Variants in LAMA4 observed in about 807,000 individuals in gnomAD.
The protein encoded by LAMA4 is laminin subunit alpha 4, also known as laminin subunit alpha-4.
A neutral mutation model predicts 207.1 loss-of-function variants in LAMA4; 127 were observed. That is an observed-to-expected ratio of 0.61 (90% confidence interval 0.53 to 0.71). The LOEUF is 0.71. LAMA4 is among the 30% of genes least tolerant of loss of function. The pLI, the probability that LAMA4 is intolerant of heterozygous loss-of-function variation, is 0.00. For missense variants in LAMA4, 2,093 were observed against 2,246.5 expected (o/e 0.93, Z 1.38); for synonymous variants, 761 against 816.0 (o/e 0.93, Z 1.15).
intron 2 of LAMA4, among the ~76,000 whole-genome samples, chr6:112,250,577 G>GT (rs1300283996): frequency 6.6e-6 from 1 of 152,170 alleles, no homozygotes; most frequent in Non-Finnish European, 1.5e-5. Context: ...ACAACTCAAT[G>GT]TTGTCAATTG....
intron 5 of LAMA4, among the ~76,000 whole-genome samples, chr6:112,199,699 G>A (rs1783623046): frequency 6.6e-6 from 1 of 150,816 alleles, no homozygotes; most frequent in Non-Finnish European, 1.5e-5. Flanking sequence ...TCCACATTTT[G>A]CATATTTAAT....
chr6:112,221,611 A>C (rs1167625585), intron 2 of LAMA4, among the ~76,000 whole-genome samples: 1 of 152,158 alleles, frequency 6.6e-6, no homozygotes, highest in Admixed American at 6.5e-5. Context: ...CCAGACAACA[A>C]TGATTTTTAG....
At chr6:112,113,363 T>G (rs12191016) in intron 38 of LAMA4, among the ~76,000 whole-genome samples, 37,845 of 152,096 alleles carry the variant, frequency 0.25, 4,716 homozygotes, top group East Asian at 0.32. Context: ...TATTTCCCTT[T>G]TAAATCCCAC....
At chr6:112,181,954 G>A (rs567678153) in intron 9 of LAMA4, among the ~76,000 whole-genome samples, 26 of 152,154 alleles carry the variant, frequency 1.7e-4, no homozygotes, top group Middle Eastern at 3.4e-3. Flanking sequence ...AAAAGTAGCC[G>A]GACGTGGTGG....
intron 31 of LAMA4, among the ~76,000 whole-genome samples, chr6:112,124,738 G>A (rs1778578497): frequency 6.7e-6 from 1 of 150,022 alleles, no homozygotes; most frequent in Non-Finnish European, 1.5e-5. Context: ...ACAGCAATGT[G>A]TTATAAGGAT....
chr6:112,149,812 T>A (rs1780267281), intron 17 of LAMA4, among the ~76,000 whole-genome samples: 1 of 152,196 alleles, frequency 6.6e-6, no homozygotes, highest in Non-Finnish European at 1.5e-5. Context: ...ACCACTCTCC[T>A]GGCCAGAGCT....
intron 24 of LAMA4, among the ~76,000 whole-genome samples, chr6:112,137,205 T>C (rs1372564331): frequency 6.6e-6 from 1 of 152,322 alleles, no homozygotes; most frequent in Non-Finnish European, 1.5e-5. Flanking sequence ...AGTTCATAGA[T>C]ACAAGAAGTC....
intron 6 of LAMA4, among the ~76,000 whole-genome samples, chr6:112,190,935 CTTTCTTTCTTTCCTTTCTTT>C (rs71021874): frequency 0.011 from 665 of 58,944 alleles, 4 homozygotes; most frequent in East Asian, 0.036. Context: ...TTCTTTCTTT[CTTTCTTTCTTTCCTTTCTTT>C]CTTTCTTTCT....
chr6:112,148,100 A>G (rs1244079919), intron 18 of LAMA4, 57 bp downstream of exon 18: 1 of 1,491,206 alleles, frequency 6.7e-7, no homozygotes, highest in Non-Finnish European at 9.4e-7. Flanking sequence ...AAAGATGTAT[A>G]GAGTTTAATG....
At chr6:112,246,198 G>A (rs1182886393) in intron 2 of LAMA4, among the ~76,000 whole-genome samples, 1 of 152,126 alleles carries the variant, frequency 6.6e-6, no homozygotes, top group East Asian at 1.9e-4. Flanking sequence ...GCAAATATGA[G>A]TAGGTATTTA....
intron 9 of LAMA4, chr6:112,179,653 T>C (rs782015884): frequency 3.3e-5 from 6 of 183,510 alleles, no homozygotes; most frequent in Non-Finnish European, 5.7e-5. Context: ...ATGCCATGAT[T>C]TTACCGGGAA....
Position 112,109,358 on chromosome 6 carries a change from TACTGTTCC to T in LAMA4, c.*71_*78del. On this transcript the variant is annotated 3_prime_UTR_variant, in exon 39 of 39. Transcript: ENST00000230538. The stretch of plus-strand genomic sequence containing the variant: ...GAAAGCTTCCACCCGAAGGAAGAGT[TACTGTTCC>T]TCCTGGCTGGCTTTGTGTTTCTTTC... 1 of 1,498,380 alleles carries T rather than the reference TACTGTTCC, an allele frequency of 6.7e-7. No individual in the cohort carries two copies. The highest frequency in any genetic ancestry group is 9.2e-7 in the Non-Finnish European group (1 of 1,081,508). 92.8% of individuals were successfully genotyped at this position (1,498,380 alleles called of 1,614,324 possible). A position where few individuals can be genotyped will look rare whatever the true frequency, so the allele number is the denominator to read the frequency against.
At chr6:112,241,162 A>AATATATATATTCATATATATTC (rs1459995943) in intron 2 of LAMA4, among the ~76,000 whole-genome samples, 7 of 55,544 alleles carry the variant, frequency 1.3e-4, no homozygotes, top group Non-Finnish European at 2.9e-4. Flanking sequence ...TATATATATG[A>AATATATATATTCATATATATTC]ATATATATGA....
chr6:112,246,617 T>C (rs1225357577), intron 2 of LAMA4, among the ~76,000 whole-genome samples: 1 of 151,168 alleles, frequency 6.6e-6, no homozygotes, highest in East Asian at 1.9e-4. Flanking sequence ...GCCTCCCGAG[T>C]TCAAGGAATT....
At chr6:112,149,719 C>T (rs1474933156) in intron 17 of LAMA4, among the ~76,000 whole-genome samples, 1 of 152,150 alleles carries the variant, frequency 6.6e-6, no homozygotes, top group Non-Finnish European at 1.5e-5. Context: ...CTATGTTGAA[C>T]ACTTAGGACA....
At chr6:112,112,705 A>G (rs1293814820) in intron 38 of LAMA4, among the ~76,000 whole-genome samples, 33 of 152,248 alleles carry the variant, frequency 2.2e-4, no homozygotes, top group Non-Finnish European at 5.9e-5. Flanking sequence ...ATTTTTTTTC[A>G]CACCGGGTTA....
At chr6:112,156,983 T>G (rs1295430694) in intron 14 of LAMA4, among the ~76,000 whole-genome samples, 1 of 152,128 alleles carries the variant, frequency 6.6e-6, no homozygotes, top group African/African-American at 2.4e-5. Flanking sequence ...GTATTAATCT[T>G]TATACCAATG....
At chr6:112,236,185 C>T (rs571867396) in intron 2 of LAMA4, 1 of 152,196 alleles carries the variant, frequency 6.6e-6, no homozygotes, top group African/African-American at 2.4e-5. Context: ...AGTGACTCAA[C>T]TTCTAGCTCT....
intron 31 of LAMA4, among the ~76,000 whole-genome samples, chr6:112,128,356 T>TTATC (rs1310569359): frequency 6.6e-6 from 1 of 152,080 alleles, no homozygotes; most frequent in East Asian, 1.9e-4. Flanking sequence ...ATACTGCATG[T>TTATC]TATCATAAGT....
Sources: allele counts gnomAD v4.1 joint callset (sites outside exome capture counted in the v4.1 genomes callset), GRCh38; gene constraint gnomAD v4.1.1; transcripts MANE v1.5; gene names NCBI Gene and HGNC (gene_info 2026-07-23, HGNC 2026-07-21).